The following TENM3 variants were observed in gnomAD, a reference collection of about 807,000 sequenced individuals.
TENM3 encodes the protein teneurin-3.
TENM3 carries 63 observed loss-of-function variants against 255.1 expected under a neutral mutation model. The ratio of observed to expected loss-of-function variants is 0.25; its 90% CI spans 0.20 to 0.30. The LOEUF is 0.30. Ranked by LOEUF, TENM3 falls within the 10% of genes least tolerant of loss-of-function variation. The probability of loss-of-function intolerance (pLI) is 1.00; values close to 1 mark genes in which losing one functional copy is unlikely to be tolerated. For synonymous variants in TENM3, 1,306 were observed against 1,322.3 expected, an observed-to-expected ratio of 0.99 and a Z score of 0.27; for missense variants, 2,929 against 3,461.1, an observed-to-expected ratio of 0.85 and a Z score of 3.86.
intron 6 of TENM3, among the ~76,000 whole-genome samples, chr4:182,670,751 T>G (rs1002909388): frequency 2.0e-5 from 3 of 152,168 alleles, no homozygotes; most frequent in Non-Finnish European, 2.9e-5. Context: ...GGCCATAAAC[T>G]GGGTCTGTGA....
chr4:182,376,167 A>AT (rs1417691167), intron 3 of TENM3, among the ~76,000 whole-genome samples: 1 of 152,178 alleles, frequency 6.6e-6, no homozygotes, highest in Non-Finnish European at 1.5e-5. Context: ...TTGCGCTGTC[A>AT]TTTGGCACGC....
chr4:182,060,405 C>A, the TENM3 span, among the ~76,000 whole-genome samples: 4 of 152,096 alleles, frequency 2.6e-5, no homozygotes, highest in African/African-American at 7.2e-5. Context: ...GCATTAGATT[C>A]TCATAAGGAG....
At chr4:181,453,764 G>A in the TENM3 span, among the ~76,000 whole-genome samples, 8 of 152,168 alleles carry the variant, frequency 5.3e-5, no homozygotes, top group Non-Finnish European at 7.4e-5. Context: ...AATAACCTCC[G>A]TTAGTCCTGT....
At chr4:181,919,300 C>T in the TENM3 span, among the ~76,000 whole-genome samples, 32 of 151,924 alleles carry the variant, frequency 2.1e-4, no homozygotes, top group Non-Finnish European at 1.8e-4. Context: ...TGGTGGCCAA[C>T]TGGAACAGAA....
In TENM3 at chr4:182,324,121, G is replaced by A. The variant is rs373531186; in HGVS notation, c.101G>A (p.Arg34Gln). 3.1e-6 allele frequency: 5 copies of A among 1,613,820 alleles called. No individual in the cohort carries two copies. Among genetic ancestry groups the A allele is most frequent in the African/African-American group, 1.3e-5 (1 of 74,904 alleles). Residue 34 changes from arginine (R) to glutamine (Q), a missense_variant, in exon 2 of 28, where the codon CGG (arginine) becomes CAG (glutamine). Around this residue, in one of 6 missense-constraint regions of TENM3, gnomAD observed 283 missense variants for 256.9 expected, o/e 1.10. Coordinates refer to ENST00000511685, the MANE Select transcript of TENM3 (RefSeq NM_001080477.4). Reference sequence around the variant, plus strand: ...TCCTCCGCAGACAATGAGGAGTGCCGGGTACCCACACAGAAGTCCTACAGT... The same window carrying A: ...TCCTCCGCAGACAATGAGGAGTGCCAGGTACCCACACAGAAGTCCTACAGT... ...TNSSADNEEC[R>Q]VPTQKSYSSS...
chr4:181,583,768 G>A, the TENM3 span, among the ~76,000 whole-genome samples: 3 of 152,224 alleles, frequency 2.0e-5, no homozygotes, highest in East Asian at 1.9e-4. Context: ...CTTTCGAAAC[G>A]TTCAGACACA....
the TENM3 span, among the ~76,000 whole-genome samples, chr4:181,965,116 AT>A: frequency 6.6e-6 from 1 of 152,230 alleles, no homozygotes; most frequent in Non-Finnish European, 1.5e-5. Context: ...GTAAAGTTTA[AT>A]TATAAAATTA....
At chr4:182,662,090 T>C (rs56223238) in intron 6 of TENM3, among the ~76,000 whole-genome samples, 4 of 152,212 alleles carry the variant, frequency 2.6e-5, no homozygotes, top group African/African-American at 9.6e-5. Context: ...ATTTATAAAG[T>C]GTTTTTCAGT....
chr4:182,232,735 G>A (rs1756661014), intron 1 of TENM3, among the ~76,000 whole-genome samples: 3 of 152,026 alleles, frequency 2.0e-5, no homozygotes, highest in African/African-American at 4.8e-5. Context: ...CCCTTCTCTG[G>A]GGGTATGTGT....
At chr4:181,468,791 A>G in the TENM3 span, among the ~76,000 whole-genome samples, 1 of 152,112 alleles carries the variant, frequency 6.6e-6, no homozygotes, top group Non-Finnish European at 1.5e-5. Flanking sequence ...TTTTGCTAGC[A>G]TTTTGCCTTT....
At chr4:181,743,172 A>G in the TENM3 span, among the ~76,000 whole-genome samples, 1 of 152,110 alleles carries the variant, frequency 6.6e-6, no homozygotes, top group East Asian at 1.9e-4. Flanking sequence ...CATGATTTAT[A>G]GTCCTTTGGG....
intron 3 of TENM3, among the ~76,000 whole-genome samples, chr4:182,501,822 G>A (rs1394142577): frequency 6.6e-6 from 1 of 152,004 alleles, no homozygotes; most frequent in Non-Finnish European, 1.5e-5. Flanking sequence ...TAACTTTAAA[G>A]CCATAGATTG....
At chr4:182,275,756 GCAAGACC>G (rs1759957644) in intron 1 of TENM3, among the ~76,000 whole-genome samples, 1 of 152,038 alleles carries the variant, frequency 6.6e-6, no homozygotes, top group Admixed American at 6.5e-5. Flanking sequence ...GGGCAGCATA[GCAAGACC>G]CATTTCTCCA....
At chr4:181,918,311 T>C in the TENM3 span, among the ~76,000 whole-genome samples, 1 of 152,130 alleles carries the variant, frequency 6.6e-6, no homozygotes, top group African/African-American at 2.4e-5. Flanking sequence ...TAGAAAACAG[T>C]TGGAACAATT....
the TENM3 span, among the ~76,000 whole-genome samples, chr4:181,640,132 C>T: frequency 6.6e-6 from 1 of 152,110 alleles, no homozygotes; most frequent in Non-Finnish European, 1.5e-5. Flanking sequence ...GATGAAGGGG[C>T]TTTAGTGAGT....
At chr4:181,455,331 A>G in the TENM3 span, among the ~76,000 whole-genome samples, 6 of 152,060 alleles carry the variant, frequency 3.9e-5, no homozygotes, top group Admixed American at 2.0e-4. Context: ...TGTTATGACA[A>G]TCAGTCTTCA....
intron 1 of TENM3, among the ~76,000 whole-genome samples, chr4:182,185,370 T>C (rs1252880889): frequency 6.6e-6 from 1 of 152,222 alleles, no homozygotes; most frequent in Non-Finnish European, 1.5e-5. Context: ...CAGAAACTGT[T>C]TTACATATTC....
chr4:181,555,788 A>C, the TENM3 span, among the ~76,000 whole-genome samples: 2 of 152,208 alleles, frequency 1.3e-5, no homozygotes, highest in African/African-American at 4.8e-5. Context: ...TGAATGTGGA[A>C]GATCAGACTA....
chr4:182,483,362 T>C (rs928196524), intron 3 of TENM3, among the ~76,000 whole-genome samples: 14 of 152,178 alleles, frequency 9.2e-5, no homozygotes, highest in African/African-American at 3.4e-4. Context: ...CTTTATGCCA[T>C]ATTGAAGGAC....
Sources: allele counts gnomAD v4.1 joint callset (sites outside exome capture counted in the v4.1 genomes callset), GRCh38; gene constraint gnomAD v4.1.1; regional missense constraint gnomAD v4.1.1; transcripts MANE v1.5; gene names NCBI Gene and HGNC (gene_info 2026-07-23, HGNC 2026-07-21).